The following DDX60L variants were observed in gnomAD, a reference collection of about 807,000 sequenced individuals.
The protein encoded by DDX60L is DExD/H-box 60 like.
Under a neutral mutation model 211.6 loss-of-function variants are expected in DDX60L, and 191 were observed. The observed-to-expected ratio is 0.90, with a 90% CI of 0.80 to 1.02. The LOEUF (loss-of-function observed/expected upper bound fraction) is 1.02. Ranked by LOEUF, DDX60L falls within the 50% of genes least tolerant of loss-of-function variation. DDX60L has a pLI of 0.00. For synonymous variants in DDX60L, 706 were observed against 694.1 expected (o/e 1.02, Z -0.27); for missense variants, 2,007 against 1,984.1 (o/e 1.01, Z -0.22).
At chr4:168,457,851 T>C in intron 6 of DDX60L, 41 bp downstream of exon 6, 4 of 1,302,522 alleles carry the variant, frequency 3.1e-6, no homozygotes, top group Non-Finnish European at 4.2e-6. Context: ...ATTTACCAAA[T>C]TCTATCAAAC....
chr4:168,423,562 A>G, intron 15 of DDX60L, 46 bp downstream of exon 15: 1 of 1,257,542 alleles, frequency 8.0e-7, no homozygotes, highest in Non-Finnish European at 1.1e-6. Flanking sequence ...CTTCCATATT[A>G]AAATTGAGTA....
intron 1 of DDX60L, among the ~76,000 whole-genome samples, chr4:168,475,758 T>C (rs1759394760): frequency 6.6e-6 from 1 of 152,088 alleles, no homozygotes; most frequent in Non-Finnish European, 1.5e-5. Context: ...CCCAGTGTGA[T>C]GGTAATTGGA....
At chr4:168,438,016 G>A (rs1561072761) in intron 10 of DDX60L, among the ~76,000 whole-genome samples, 1 of 152,120 alleles carries the variant, frequency 6.6e-6, no homozygotes, top group Non-Finnish European at 1.5e-5. Flanking sequence ...TGGGATTACA[G>A]GCACATGCCA....
chr4:168,379,813 C>T lies in DDX60L; in HGVS notation c.4134G>A (p.Lys1378=). The T allele has an allele frequency of 1.2e-6, 2 of 1,610,432 alleles. No individual in the cohort carries two copies. Among genetic ancestry groups the T allele is most frequent in the African/African-American group, 1.3e-5 (1 of 74,826 alleles). ...GTCTCTTAAAAGACAGCAATGAATGCTTTAGCACTGACAACACCTATAAAA... is the reference window on the plus strand; with the variant it reads ...GTCTCTTAAAAGACAGCAATGAATGTTTTAGCACTGACAACACCTATAAAA... ...DAKAKVLSVL[K]HSLLSFKRRR... is the part of the protein sequence containing the mutation. The change falls in exon 31 of 38, where the codon AAG becomes AAA. Residue 1378 remains lysine (K), a synonymous_variant. Transcript: ENST00000682922.
intron 9 of DDX60L, among the ~76,000 whole-genome samples, chr4:168,448,042 G>A (rs1211085545): frequency 6.6e-6 from 1 of 151,848 alleles, no homozygotes; most frequent in Non-Finnish European, 1.5e-5. Flanking sequence ...AAAAAAAGGA[G>A]TTTACAGAAT....
rs1265833645 is a variant in DDX60L at position 168,356,972 on chromosome 4, T to C, written c.*1175A>G. The C allele has an allele frequency of 1.3e-5, 2 of 152,206 alleles. No homozygotes were observed. The highest frequency in any genetic ancestry group is 2.9e-5 in the Non-Finnish European group (2 of 68,044). The allele number at this position is 152,206 out of a possible 1,614,324, so 9.4% of individuals were successfully genotyped here. On this transcript the variant is annotated 3_prime_UTR_variant, in exon 38 of 38. Coordinates refer to ENST00000682922, the MANE Select transcript of DDX60L (RefSeq NM_001012967.3). ...TAAGCTCATTTGAGAAACTTTTTTC[T>C]CCTTCAGAGTACCGTATTCATTTAT...
chr4:168,457,922 T>G lies in DDX60L; in HGVS notation c.693A>C (p.Glu231Asp). Residue 231 changes from glutamate (E) to aspartate (D), a missense_variant, in exon 6 of 38, where the codon GAA (glutamate) becomes GAC (aspartate). Physicochemically the swap from Glu to Asp is conservative, Grantham distance 45 (BLOSUM62 2). Transcript: ENST00000682922. ...IRVLVLATHF[E>D]HLKWNDMMEE... ...CCATCATATCATTCCATTTCAAATG[T>G]TCAAAATGAGTTGCTAATACTAAAA... 6.4e-7 allele frequency: 1 copy of G among 1,561,516 alleles called. No individual in the cohort carries two copies.
At chr4:168,477,222 T>C (rs1047718108) in intron 1 of DDX60L, among the ~76,000 whole-genome samples, 32 of 152,118 alleles carry the variant, frequency 2.1e-4, no homozygotes, top group Admixed American at 1.8e-3. Context: ...GAGACCATCC[T>C]GGCTAACATG....
In DDX60L at chr4:168,448,640, T is replaced by G; in HGVS notation, c.1136A>C (p.Gln379Pro). The change falls in exon 9 of 38, where the codon CAA becomes CCA. Residue 379 changes from glutamine (Q) to proline (P), a missense_variant and splice_region_variant. Gln to Pro is a moderately conservative substitution (Grantham distance 76). Transcript: ENST00000682922. ...IAFYYEFESTQEPHLNLGDSI... is the reference protein window; with the variant it reads ...IAFYYEFESTPEPHLNLGDSI... ...GTTAATGCATATTCAGGTACTACCT[T>G]GAGTACTTTCAAATTCATAGTAGAA... The G allele has an allele frequency of 6.5e-7, 1 of 1,537,232 alleles. No individual in the cohort carries two copies. The highest frequency in any genetic ancestry group is 8.9e-7 in the Non-Finnish European group (1 of 1,124,988).
chr4:168,395,717 T>C (rs1323095999), intron 27 of DDX60L: 2 of 368,584 alleles, frequency 5.4e-6, no homozygotes, highest in Non-Finnish European at 9.5e-6. Context: ...TATAAACTAA[T>C]CCAGGATAAT....
chr4:168,389,951 T>C (rs1480688405), intron 29 of DDX60L, among the ~76,000 whole-genome samples: 1 of 152,156 alleles, frequency 6.6e-6, no homozygotes, highest in Non-Finnish European at 1.5e-5. Context: ...AGAAATAATA[T>C]GGAAATACAA....
intron 4 of DDX60L, chr4:168,471,462 G>A: frequency 4.4e-6 from 1 of 229,874 alleles, no homozygotes; most frequent in Non-Finnish European, 8.3e-6. Flanking sequence ...TATAGAAAAG[G>A]AGGTAGAGTA....
chr4:168,415,817 C>A lies in DDX60L; in HGVS notation c.2727-18G>T. 6.8e-7 allele frequency: 1 copy of A among 1,478,076 alleles called. No homozygotes were observed. Among genetic ancestry groups the A allele is most frequent in the Non-Finnish European group, 9.0e-7 (1 of 1,113,230 alleles). The allele number at this position is 1,478,076 out of a possible 1,614,324, so 91.6% of individuals were successfully genotyped here. On this transcript the variant is annotated intron_variant, in intron 20 of 37. Coordinates refer to ENST00000682922, the MANE Select transcript of DDX60L (RefSeq NM_001012967.3). ...GCAGCCACCTTACAGAATAAACATG[C>A]ATATAATTTAAATAAAATATAGAAG... is the stretch of plus-strand genomic sequence containing the variant.
chr4:168,442,653 G>C (rs1348422272), intron 9 of DDX60L, among the ~76,000 whole-genome samples: 2 of 151,824 alleles, frequency 1.3e-5, no homozygotes, highest in African/African-American at 4.8e-5. Flanking sequence ...GAGAGCAGTG[G>C]TTCTCCCAGC....
intron 9 of DDX60L, among the ~76,000 whole-genome samples, chr4:168,443,740 A>C (rs988737840): frequency 2.0e-5 from 3 of 150,376 alleles, no homozygotes; most frequent in Admixed American, 6.6e-5. Flanking sequence ...CTTAAAGAAA[A>C]GAATTTTCAA....
intron 1 of DDX60L, among the ~76,000 whole-genome samples, chr4:168,479,290 A>G (rs1760063205): frequency 6.6e-6 from 1 of 152,212 alleles, no homozygotes; most frequent in South Asian, 2.1e-4. Flanking sequence ...ACTCACCCTC[A>G]TTTATTTTAG....
At chr4:168,420,005 C>T (rs532343006) in intron 18 of DDX60L, among the ~76,000 whole-genome samples, 1 of 152,304 alleles carries the variant, frequency 6.6e-6, no homozygotes, top group South Asian at 2.1e-4. Flanking sequence ...GACTCCCTCT[C>T]TAAGTTATAA....
chr4:168,402,116 T>C (rs1489128890), intron 25 of DDX60L, among the ~76,000 whole-genome samples: 5 of 149,514 alleles, frequency 3.3e-5, no homozygotes, highest in African/African-American at 1.2e-4. Flanking sequence ...CAGCTTCAAC[T>C]TCAGAGGCTT....
At chr4:168,457,763 A>C (rs1336420376) in intron 6 of DDX60L, 129 bp downstream of exon 6, 1 of 449,452 alleles carries the variant, frequency 2.2e-6, no homozygotes, top group Non-Finnish European at 4.0e-6. Context: ...TAAGATTCAG[A>C]TAGTATACAT....
Sources: gnomAD v4.1 joint callset for allele counts (sites outside exome capture counted in the v4.1 genomes callset) on GRCh38, gnomAD v4.1.1 for gene constraint, MANE v1.5 for transcripts, NCBI Gene and HGNC (gene_info 2026-07-23, HGNC 2026-07-21) for gene names.